Variants in PRSS12 observed in about 807,000 individuals in gnomAD.
The protein encoded by PRSS12 is neurotrypsin.
A neutral mutation model predicts 104.4 loss-of-function variants in PRSS12; 85 were observed. The observed-to-expected ratio is 0.81, with a 90% confidence interval of 0.68 to 0.98. The LOEUF is 0.98. PRSS12 is among the 50% of genes least tolerant of loss of function. The pLI is 0.00. For synonymous variants in PRSS12, 454 were observed against 425.2 expected, an observed-to-expected ratio of 1.07 and a Z score of -0.83; for missense variants, 1,141 against 1,139.2, an observed-to-expected ratio of 1.00 and a Z score of -0.02.
At chr4:118,305,884 A>G (rs923109077) in intron 8 of PRSS12, 5 of 152,168 alleles carry the variant, frequency 3.3e-5, no homozygotes, top group African/African-American at 9.7e-5. Context: ...GATATCTCAT[A>G]TAAGTGGAAT....
intron 1 of PRSS12, among the ~76,000 whole-genome samples, chr4:118,349,613 C>G (rs1024162922): frequency 6.6e-6 from 1 of 152,120 alleles, no homozygotes; most frequent in African/African-American, 2.4e-5. Flanking sequence ...AGTAAAAATA[C>G]ACATATCTAA....
intron 4 of PRSS12, among the ~76,000 whole-genome samples, chr4:118,322,271 T>A (rs2126037092): frequency 6.6e-6 from 1 of 152,224 alleles, no homozygotes; most frequent in South Asian, 2.1e-4. Flanking sequence ...TACTATAGGC[T>A]GGGCGCCGTG....
rs545406525 is a variant in PRSS12, at chr4:118,349,434, A to G, written c.502+2785T>C. 2.0e-5 allele frequency among the ~76,000 whole-genome samples: 3 copies of G among 151,928 alleles called. 1 individual carries two copies. The South Asian group carries it at 6.3e-4, about 32-fold the overall frequency. On this transcript the variant is annotated intron_variant, in intron 1 of 12. Coordinates refer to ENST00000296498, the MANE Select transcript of PRSS12 (RefSeq NM_003619.4). ...AAAAAAAAACAAAGAAAAAGATACC[A>G]GATATCTTTTAAGCATAAGAGACTG...
rs774224194 is a variant in PRSS12 at position 118,352,206 on chromosome 4, C to G, written c.502+13G>C. ...CCGTCCGGAGTTTCCGCGGCCGCCC[C>G]GAGGCCACTAACCGTGTCTGCAGTC... On this transcript the variant is annotated intron_variant, in intron 1 of 12. Coordinates refer to ENST00000296498, the MANE Select transcript of PRSS12 (RefSeq NM_003619.4). The G allele has an allele frequency of 9.3e-6, 15 of 1,610,974 alleles. No individual in the cohort carries two copies. The highest frequency in any genetic ancestry group is 1.3e-5 in the Non-Finnish European group (15 of 1,179,478).
At position 118,308,533 on chromosome 4, in the gene PRSS12, G is replaced by T; in HGVS notation, c.1534C>A (p.Arg512=). 1 of 1,613,784 alleles carries T rather than the reference G, an allele frequency of 6.2e-7. No individual in the cohort carries two copies. Among genetic ancestry groups the T allele is most frequent in the Non-Finnish European group, 8.5e-7 (1 of 1,179,886 alleles). Residue 512 remains arginine, a synonymous_variant, in exon 8 of 13, where the codon CGA becomes AGA. Coordinates refer to ENST00000296498, the MANE Select transcript of PRSS12 (RefSeq NM_003619.4). ...TGGCCATTGATAAAAACCTCCACTC[G>T]TCCTTCTTTCTTATTTTCTCCATCC... ...LMDGENKKEG[R]VEVFINGQWG...
intron 5 of PRSS12, among the ~76,000 whole-genome samples, chr4:118,317,693 G>C (rs1301318067): frequency 6.6e-6 from 1 of 152,106 alleles, no homozygotes; most frequent in Non-Finnish European, 1.5e-5. Context: ...TATAAATCTG[G>C]TATTTCATAG....
At chr4:118,299,712 T>C (rs1390920568) in intron 8 of PRSS12, among the ~76,000 whole-genome samples, 2 of 63,812 alleles carry the variant, frequency 3.1e-5, no homozygotes, top group East Asian at 4.5e-4. Flanking sequence ...ATAAATAAAA[T>C]AAATAAAATA....
At position 118,298,918 on chromosome 4, in the gene PRSS12, G is replaced by A. The variant is rs1464030767; in HGVS notation, c.1652C>T (p.Thr551Ile). The A allele has an allele frequency of 1.2e-6, 2 of 1,614,008 alleles. No individual in the cohort carries two copies. The highest frequency in any genetic ancestry group is 2.7e-5 in the African/African-American group (2 of 74,896). Residue 551 changes from threonine to isoleucine, a missense_variant, in exon 9 of 13, where the codon ACC becomes ATC. Thr to Ile is a moderately conservative substitution (Grantham distance 89). Transcript: ENST00000296498. The part of the protein sequence containing the change: ...LGYKGPARAR[T>I]MAYFGEGKGP... ...TTTTCCTTCTCCAAAGTAAGCCATGGTTCTTGCTCTGGCAGGACCCCTGAA... is the reference window on the plus strand; with the variant it reads ...TTTTCCTTCTCCAAAGTAAGCCATGATTCTTGCTCTGGCAGGACCCCTGAA...
chr4:118,349,403 CA>C (rs35412799), intron 1 of PRSS12, among the ~76,000 whole-genome samples: 29,794 of 122,836 alleles, frequency 0.24, 3,430 homozygotes, highest in African/African-American at 0.36. Flanking sequence ...GAACCTATCT[CA>C]AAAAAAAAAA....
rs757534777 is a variant in PRSS12 at position 118,318,571 on chromosome 4, G to A, written c.972-15C>T. 85 of 1,611,870 alleles carry A rather than the reference G, an allele frequency of 5.3e-5. 1 individual carries two copies. The South Asian group carries it at 8.7e-4, about 17-fold the overall frequency. ...TGGCAATGCCACTGAACAAATAAAA[G>A]AATGTAAGGATTCTGGATTAGATAC... On this transcript the variant is annotated splice_polypyrimidine_tract_variant and intron_variant, in intron 4 of 12. Coordinates refer to ENST00000296498, the MANE Select transcript of PRSS12 (RefSeq NM_003619.4).
chr4:118,304,097 T>C (rs1475115353), intron 8 of PRSS12, among the ~76,000 whole-genome samples: 1 of 151,960 alleles, frequency 6.6e-6, no homozygotes, highest in African/African-American at 2.4e-5. Flanking sequence ...CACCTGAAAC[T>C]TGTTAGCATA....
chr4:118,318,248 GTT>G (rs747013755), intron 5 of PRSS12, 128 bp downstream of exon 5: 8 of 902,744 alleles, frequency 8.9e-6, no homozygotes, highest in Non-Finnish European at 1.2e-5. Context: ...CATTCTTTTT[GTT>G]TGTTTTATTT....
At chr4:118,290,163 CA>C (rs1743097498) in intron 11 of PRSS12, among the ~76,000 whole-genome samples, 1 of 152,048 alleles carries the variant, frequency 6.6e-6, no homozygotes, top group African/African-American at 2.4e-5. Context: ...TGACTTTAAG[CA>C]ATAATCAAGA....
chr4:118,296,785 T>C (rs1438502751), intron 9 of PRSS12, among the ~76,000 whole-genome samples: 1 of 152,102 alleles, frequency 6.6e-6, no homozygotes, highest in Non-Finnish European at 1.5e-5. Flanking sequence ...ACCAAGATGA[T>C]TAATTTGCAA....
In PRSS12 at chr4:118,308,429, T is replaced by C; in HGVS notation, c.1631+7A>G. On this transcript the variant is annotated splice_region_variant and intron_variant, in intron 8 of 12. Transcript: ENST00000296498. ...GTAACCATCCCAAATAATTAGGTTT[T>C]CCTTACTTGTAGCCAAGCTGACGAC... The C allele has an allele frequency of 2.5e-6, 4 of 1,613,996 alleles. No individual in the cohort carries two copies. The East Asian group carries it at 6.7e-5, about 27-fold the overall frequency.
intron 1 of PRSS12, among the ~76,000 whole-genome samples, chr4:118,348,336 C>A (rs1299697454): frequency 1.3e-5 from 2 of 152,216 alleles, no homozygotes; most frequent in African/African-American, 4.8e-5. Context: ...TACACCTGCT[C>A]CTAAAGCCTA....
chr4:118,340,641 T>C (rs1291444128), intron 1 of PRSS12, among the ~76,000 whole-genome samples: 5 of 152,244 alleles, frequency 3.3e-5, no homozygotes, highest in Non-Finnish European at 5.9e-5. Flanking sequence ...ATTCATTCTA[T>C]TGTAGGAGCC....
chr4:118,339,372 T>C (rs1273433005), intron 1 of PRSS12, among the ~76,000 whole-genome samples: 2 of 152,232 alleles, frequency 1.3e-5, no homozygotes, highest in African/African-American at 4.8e-5. Context: ...AAGTTATGTA[T>C]GGCTTCATAA....
rs774418213 is a variant in PRSS12 at position 118,352,287 on chromosome 4, C to T, written c.434G>A (p.Gly145Asp). The part of the protein sequence containing the change: ...HNFCRSPDGA[G>D]RPWCFYGDAR... Reference sequence around the variant, plus strand: ...GTCTCCGTAGAAACACCAGGGTCTGCCCGCGCCGTCGGGGCTCCGACAAAA... The same window carrying T: ...GTCTCCGTAGAAACACCAGGGTCTGTCCGCGCCGTCGGGGCTCCGACAAAA... The change falls in exon 1 of 13, where the codon GGC (glycine) becomes GAC (aspartate). Residue 145 changes from glycine (G) to aspartate (D), a missense_variant. Coordinates refer to ENST00000296498, the MANE Select transcript of PRSS12 (RefSeq NM_003619.4). The T allele has an allele frequency of 5.0e-6, 8 of 1,607,670 alleles. No individual in the cohort carries two copies. The highest frequency in any genetic ancestry group is 5.1e-6 in the Non-Finnish European group (6 of 1,178,466).
Sources: gnomAD v4.1 joint callset for allele counts (sites outside exome capture counted in the v4.1 genomes callset) on GRCh38, gnomAD v4.1.1 for gene constraint, MANE v1.5 for transcripts, NCBI Gene and HGNC (gene_info 2026-07-23, HGNC 2026-07-21) for gene names.